Variants in ADAMTS14 observed in about 807,000 individuals in gnomAD.
The protein encoded by ADAMTS14 is A disintegrin and metalloproteinase with thrombospondin motifs 14.
ADAMTS14 carries 100 observed loss-of-function variants against 128.6 expected under a neutral mutation model. The observed-to-expected ratio is 0.78, with a 90% CI of 0.66 to 0.92. The LOEUF (loss-of-function observed/expected upper bound fraction) is 0.92, where lower values mean the gene tolerates loss of function less well. Ranked by LOEUF, ADAMTS14 falls within the 40% of genes least tolerant of loss-of-function variation. ADAMTS14 has a pLI of 0.00. For missense variants in ADAMTS14, 1,562 were observed against 1,658.6 expected, an observed-to-expected ratio of 0.94 and a Z score of 1.01; for synonymous variants, 665 against 653.8, an observed-to-expected ratio of 1.02 and a Z score of -0.26.
At chr10:70,700,103 AG>A (rs1018305379) in intron 2 of ADAMTS14, among the ~76,000 whole-genome samples, 21 of 152,034 alleles carry the variant, frequency 1.4e-4, no homozygotes, top group African/African-American at 5.1e-4. Context: ...AAGCTGCGGT[AG>A]GCCTTGGAGG....
At chr10:70,744,421 G>A (rs1316737452) in intron 14 of ADAMTS14, among the ~76,000 whole-genome samples, 1 of 152,236 alleles carries the variant, frequency 6.6e-6, no homozygotes, top group Admixed American at 6.5e-5. Flanking sequence ...AGCTCCAAGA[G>A]ACATTTTCCC....
At chr10:70,716,789 G>A (rs909767299) in intron 4 of ADAMTS14, among the ~76,000 whole-genome samples, 2 of 152,152 alleles carry the variant, frequency 1.3e-5, no homozygotes, top group African/African-American at 2.4e-5. Flanking sequence ...CCAGGGAGGA[G>A]GGGGCAGAAG....
chr10:70,734,056 G>T (rs1321016000), intron 8 of ADAMTS14, 28 bp downstream of exon 8: 2 of 1,602,288 alleles, frequency 1.2e-6, no homozygotes, highest in Non-Finnish European at 1.7e-6. Flanking sequence ...TCAGAGCTGG[G>T]ATAGGGGAGC....
chr10:70,738,264 T>C (rs1047943022), intron 10 of ADAMTS14, among the ~76,000 whole-genome samples: 1 of 152,182 alleles, frequency 6.6e-6, no homozygotes, highest in Non-Finnish European at 1.5e-5. Context: ...TGTATAGATA[T>C]GAGAGCAGTC....
intron 2 of ADAMTS14, among the ~76,000 whole-genome samples, chr10:70,678,602 G>A (rs1839713248): frequency 6.6e-6 from 1 of 151,984 alleles, no homozygotes; most frequent in Admixed American, 6.6e-5. Context: ...ACGCGGGGCA[G>A]GGGGGCTTGG....
intron 4 of ADAMTS14, among the ~76,000 whole-genome samples, chr10:70,715,900 C>G (rs1335648854): frequency 6.6e-6 from 1 of 152,188 alleles, no homozygotes; most frequent in Non-Finnish European, 1.5e-5. Context: ...TGGAGGCCAG[C>G]TGCCCACTTA....
intron 2 of ADAMTS14, among the ~76,000 whole-genome samples, chr10:70,677,941 T>C (rs190558655): frequency 1.3e-5 from 2 of 152,346 alleles, no homozygotes; most frequent in Admixed American, 1.3e-4. Flanking sequence ...AATCCCATAT[T>C]CTCTAACATC....
At chr10:70,744,248 CAG>C in intron 14 of ADAMTS14, 59 bp downstream of exon 14, 3 of 1,463,144 alleles carry the variant, frequency 2.1e-6, no homozygotes, top group Non-Finnish European at 2.7e-6. Flanking sequence ...TGCCGTCCCT[CAG>C]GGGGCCCTCC....
intron 4 of ADAMTS14, among the ~76,000 whole-genome samples, chr10:70,718,868 T>A (rs993664538): frequency 2.5e-4 from 38 of 151,778 alleles, no homozygotes; most frequent in African/African-American, 8.7e-4. Context: ...CTTTTTTTTT[T>A]AATTTTTAGT....
rs775604393 is a variant in ADAMTS14, at chr10:70,760,528, C to T, written c.3347C>T (p.Thr1116Ile). The T allele has an allele frequency of 6.2e-7, 1 of 1,613,566 alleles. No individual in the cohort carries two copies. The highest frequency in any genetic ancestry group is 1.7e-5 in the Admixed American group (1 of 59,962). The change falls in exon 22 of 22, where the codon ACT (threonine) becomes ATT (isoleucine). Residue 1116 changes from threonine to isoleucine, a missense_variant. Physicochemically the swap from Thr to Ile is moderately conservative, Grantham distance 89. Transcript: ENST00000373207. ...PGPTSLPPFS[T>I]PGSPLPGPQD... ...CCAACCTCACTGCCCCCCTTCTCCA[C>T]TCCTGGAAGCCCCTTACCAGGACCC... is the stretch of plus-strand genomic sequence containing the variant.
intron 4 of ADAMTS14, among the ~76,000 whole-genome samples, chr10:70,724,216 T>C (rs1022349780): frequency 1.3e-5 from 2 of 152,206 alleles, no homozygotes; most frequent in Non-Finnish European, 2.9e-5. Context: ...CCAGTGGTTA[T>C]CTCAGGTCAA....
chr10:70,744,077 T>C lies in ADAMTS14; in HGVS notation c.2070T>C (p.Cys690=). The part of the protein sequence containing the change: ...CARGECVPVG[C]DKEVGSMKAD... ...ACCTCTGGCCTCAGCCTGTCGGCTG[T>C]GACAAGGAGGTGGGGTCCATGAAGG... Residue 690 remains cysteine, a synonymous_variant, in exon 14 of 22, where the codon TGT becomes TGC. Transcript: ENST00000373207. 4 of 1,563,618 alleles carry C rather than the reference T, an allele frequency of 2.6e-6. No homozygotes were observed. The highest frequency in any genetic ancestry group is 3.5e-6 in the Non-Finnish European group (4 of 1,154,208).
intron 15 of ADAMTS14, among the ~76,000 whole-genome samples, chr10:70,747,637 G>T (rs1337137187): frequency 6.6e-6 from 1 of 152,222 alleles, no homozygotes; most frequent in East Asian, 1.9e-4. Context: ...GGAAGAACTA[G>T]TCTTCTGTGG....
In ADAMTS14 at chr10:70,733,868, T is replaced by C; in HGVS notation, c.1209-17T>C. ...CTCCTGGGATGTATCAGGACTCCTCTGTCTTCCCCATTCCAGGCTCGGCAT... is the reference window on the plus strand; with the variant it reads ...CTCCTGGGATGTATCAGGACTCCTCCGTCTTCCCCATTCCAGGCTCGGCAT... On this transcript the variant is annotated splice_polypyrimidine_tract_variant and intron_variant, in intron 7 of 21. Transcript: ENST00000373207. 2 of 1,607,814 alleles carry C rather than the reference T, an allele frequency of 1.2e-6. No homozygotes were observed. Among genetic ancestry groups the C allele is most frequent in the Middle Eastern group, 1.7e-4 (1 of 6,032 alleles).
intron 19 of ADAMTS14, among the ~76,000 whole-genome samples, chr10:70,757,755 C>G (rs1842509190): frequency 3.3e-5 from 5 of 152,200 alleles, no homozygotes; most frequent in Admixed American, 3.3e-4. Flanking sequence ...GGTATCAGGA[C>G]TATTTGGCAA....
intron 2 of ADAMTS14, among the ~76,000 whole-genome samples, chr10:70,682,720 A>G (rs906634205): frequency 1.3e-5 from 2 of 151,846 alleles, no homozygotes; most frequent in African/African-American, 4.8e-5. Flanking sequence ...AGAGCACCCC[A>G]TTTTTCTGGC....
In ADAMTS14 at chr10:70,760,887, C is replaced by T; in HGVS notation, c.*34C>T. The T allele has an allele frequency of 2.0e-6, 3 of 1,532,376 alleles. No homozygotes were observed. Among genetic ancestry groups the T allele is most frequent in the South Asian group, 1.3e-5 (1 of 78,894 alleles). 94.9% of individuals were successfully genotyped at this position (1,532,376 alleles called of 1,614,324 possible). ...CTGCCATCCCACTGGCACGTTTACA[C>T]TCTGTGTACTGCCCCGTGACTCCCA... is the stretch of plus-strand genomic sequence containing the variant. On this transcript the variant is annotated 3_prime_UTR_variant, in exon 22 of 22. Transcript: ENST00000373207.
chr10:70,737,383 G>C (rs1483192116), intron 10 of ADAMTS14, among the ~76,000 whole-genome samples: 1 of 152,222 alleles, frequency 6.6e-6, no homozygotes, highest in African/African-American at 2.4e-5. Context: ...GATCACTGTG[G>C]TGACCTTGGG....
chr10:70,759,129 T>TTTTTTTTTTTTTTTTTTTGAG lies in ADAMTS14; in HGVS notation c.3178+844_3178+845insTTTTTTTTTTTTTTTTTTGAG, dbSNP rs1485675752. On this transcript the variant is annotated intron_variant, in intron 21 of 21. Coordinates refer to ENST00000373207, the MANE Select transcript of ADAMTS14 (RefSeq NM_080722.4). ...AAAGGACCTTCTACCTCCAATCTTC[T>TTTTTTTTTTTTTTTTTTTGAG]ACTTCTCTGCTCCTAGGCTGAGGTT... 3.1e-4 allele frequency among the ~76,000 whole-genome samples: 35 copies of TTTTTTTTTTTTTTTTTTTGAG among 112,608 alleles called. 5 individuals are homozygous for TTTTTTTTTTTTTTTTTTTGAG. Among genetic ancestry groups the TTTTTTTTTTTTTTTTTTTGAG allele is most frequent in the East Asian group, 4.7e-4 (2 of 4,232 alleles). The allele number at this position is 112,608 out of a possible 152,430, so 73.9% of individuals were successfully genotyped here.
Sources: allele counts gnomAD v4.1 joint callset (sites outside exome capture counted in the v4.1 genomes callset), GRCh38; gene constraint gnomAD v4.1.1; transcripts MANE v1.5; gene names NCBI Gene and HGNC (gene_info 2026-07-23, HGNC 2026-07-21).